AP1G1: variants seen among roughly 807,000 people sequenced by gnomAD.
AP1G1 encodes adaptor related protein complex 1 subunit gamma 1.
Under a neutral mutation model 108.3 loss-of-function variants are expected in AP1G1, and 7 were observed. The observed-to-expected ratio is 0.06, with a 90% CI of 0.04 to 0.12. The LOEUF is 0.12. Among genes scored for constraint, AP1G1 ranks in the 10% least tolerant of loss-of-function variants. The probability of loss-of-function intolerance (pLI) is 1.00; values close to 1 mark genes in which losing one functional copy is unlikely to be tolerated. For missense variants in AP1G1, 756 were observed against 1,010.7 expected (o/e 0.75, Z 3.42); for synonymous variants, 379 against 353.5 (o/e 1.07, Z -0.81).
chr16:71,737,749 G>T (rs902711727), intron 21 of AP1G1, among the ~76,000 whole-genome samples: 2 of 152,282 alleles, frequency 1.3e-5, no homozygotes, highest in African/African-American at 4.8e-5. Flanking sequence ...TGTGTTGTCG[G>T]AATGTCTAAA....
At chr16:71,772,138 C>CT (rs11453410) in intron 4 of AP1G1, among the ~76,000 whole-genome samples, 128,972 of 148,924 alleles carry the variant, frequency 0.87, 55,950 homozygotes, top group East Asian at 0.99. Flanking sequence ...CTTTTCTTTT[C>CT]TTTTTTTTTT....
At position 71,745,062 on chromosome 16, in the gene AP1G1, G is replaced by A. The variant is rs190379009; in HGVS notation, c.1999+82C>T. The stretch of plus-strand genomic sequence containing the variant: ...TCTCCCATCTTCAAATGATTCACGT[G>A]CTGGAAAGTCTGGGTTCAGTTTAGT... On this transcript the variant is annotated intron_variant, in intron 19 of 22. Coordinates refer to ENST00000299980, the MANE Select transcript of AP1G1 (RefSeq NM_001128.6). The A allele has an allele frequency of 5.7e-4, 848 of 1,489,444 alleles. 6 individuals carry two copies. In the African/African-American group the frequency reaches 8.6e-3, roughly 15 times the overall value. 92.3% of individuals were successfully genotyped at this position (1,489,444 alleles called of 1,614,324 possible).
At chr16:71,737,322 C>G (rs1190910939) in intron 21 of AP1G1, among the ~76,000 whole-genome samples, 3 of 152,128 alleles carry the variant, frequency 2.0e-5, no homozygotes, top group Non-Finnish European at 4.4e-5. Context: ...CTCACTCTAT[C>G]ACCCAGGCTA....
intron 1 of AP1G1, among the ~76,000 whole-genome samples, chr16:71,798,629 TG>T (rs910919205): frequency 5.9e-5 from 9 of 151,944 alleles, no homozygotes; most frequent in African/African-American, 2.2e-4. Context: ...GGCTCACGCC[TG>T]TAATCCCAGC....
intron 1 of AP1G1, among the ~76,000 whole-genome samples, chr16:71,801,942 A>G (rs1001103198): frequency 6.6e-6 from 1 of 150,834 alleles, no homozygotes; most frequent in African/African-American, 2.4e-5. Context: ...AAAAAAAAAG[A>G]AAAGAAAAAA....
At chr16:71,762,445 C>A (rs1418728429) in intron 9 of AP1G1, among the ~76,000 whole-genome samples, 2 of 152,138 alleles carry the variant, frequency 1.3e-5, no homozygotes, top group African/African-American at 4.8e-5. Context: ...AGAATGGAGA[C>A]TGGTTTCCAG....
chr16:71,733,229 A>G, intron 22 of AP1G1, 70 bp from the exon 23 acceptor site: 1 of 1,257,208 alleles, frequency 8.0e-7, no homozygotes, highest in Non-Finnish European at 1.1e-6. Flanking sequence ...CGGTCCACAA[A>G]TAGACTTTTA....
intron 6 of AP1G1, 170 bp from the exon 7 acceptor site, chr16:71,765,754 G>C: frequency 3.5e-6 from 2 of 566,052 alleles, no homozygotes; most frequent in South Asian, 3.8e-5. Flanking sequence ...AGTAACTTAG[G>C]GCAATATTCA....
intron 2 of AP1G1, among the ~76,000 whole-genome samples, chr16:71,779,423 CTCT>C (rs755164257): frequency 2.0e-5 from 3 of 151,832 alleles, no homozygotes; most frequent in Non-Finnish European, 2.9e-5. Flanking sequence ...ACACAACCTC[CTCT>C]GACTCTCACG....
intron 22 of AP1G1, among the ~76,000 whole-genome samples, chr16:71,733,886 G>A (rs142861847): frequency 6.6e-5 from 10 of 152,174 alleles, no homozygotes; most frequent in Non-Finnish European, 8.8e-5. Flanking sequence ...GTAGTTTTAA[G>A]AGAACTCAAT....
At chr16:71,750,915 G>T (rs1597045735) in intron 13 of AP1G1, among the ~76,000 whole-genome samples, 2 of 151,668 alleles carry the variant, frequency 1.3e-5, no homozygotes, top group East Asian at 3.9e-4. Context: ...CCAGCACTTT[G>T]GGAGGCCAAG....
chr16:71,745,704 T>C, intron 17 of AP1G1, 90 bp from the exon 18 acceptor site: 3 of 1,097,094 alleles, frequency 2.7e-6, no homozygotes, highest in Admixed American at 1.7e-5. Flanking sequence ...AGCCCAAGCA[T>C]GGAGATCTAT....
At chr16:71,750,139 A>G in intron 14 of AP1G1, 71 bp downstream of exon 14, 2 of 1,581,982 alleles carry the variant, frequency 1.3e-6, no homozygotes, top group Non-Finnish European at 1.7e-6. Flanking sequence ...GGGGGGAAAA[A>G]AAAGAAGAAA....
chr16:71,777,303 T>C (rs1597071653), intron 2 of AP1G1, among the ~76,000 whole-genome samples: 2 of 147,090 alleles, frequency 1.4e-5, no homozygotes, highest in East Asian at 4.0e-4. Flanking sequence ...CAGGAGAGGC[T>C]ACCAGAGGGT....
At chr16:71,742,887 C>G (rs890650320) in intron 19 of AP1G1, 1 of 151,930 alleles carries the variant, frequency 6.6e-6, no homozygotes, top group Non-Finnish European at 1.5e-5. Context: ...GCAGGAGAAT[C>G]ACTTGAACCC....
At chr16:71,778,805 G>T (rs947663568) in intron 2 of AP1G1, among the ~76,000 whole-genome samples, 1 of 151,978 alleles carries the variant, frequency 6.6e-6, no homozygotes, top group Admixed American at 6.6e-5. Flanking sequence ...CAAAAGGAGG[G>T]CATCCGTTTT....
intron 1 of AP1G1, among the ~76,000 whole-genome samples, chr16:71,792,662 T>C (rs1313441320): frequency 6.6e-6 from 1 of 152,048 alleles, no homozygotes; most frequent in Non-Finnish European, 1.5e-5. Flanking sequence ...GAGACCAGCC[T>C]GGCCAACATG....
At chr16:71,752,428 AATAC>A (rs1419269501) in intron 13 of AP1G1, among the ~76,000 whole-genome samples, 1 of 152,206 alleles carries the variant, frequency 6.6e-6, no homozygotes, top group African/African-American at 2.4e-5. Context: ...CACAGCAACA[AATAC>A]ATATACATAT....
At chr16:71,742,416 A>G (rs1280586519) in intron 19 of AP1G1, 1 of 152,180 alleles carries the variant, frequency 6.6e-6, no homozygotes, top group Non-Finnish European at 1.5e-5. Flanking sequence ...TTAAAATGAT[A>G]ATATACAATG....
Sources: allele counts gnomAD v4.1 joint callset (sites outside exome capture counted in the v4.1 genomes callset), GRCh38; gene constraint gnomAD v4.1.1; transcripts MANE v1.5; gene names NCBI Gene and HGNC (gene_info 2026-07-23, HGNC 2026-07-21).